Variants in KCNIP1 observed in about 807,000 individuals in gnomAD.
The protein encoded by KCNIP1 is potassium voltage-gated channel interacting protein 1, also known as A-type potassium channel modulatory protein KCNIP1.
A neutral mutation model predicts 33.0 loss-of-function variants in KCNIP1; 18 were observed. That is an observed-to-expected ratio of 0.55 (90% CI 0.38 to 0.81). The LOEUF (loss-of-function observed/expected upper bound fraction) is 0.81. Among genes scored for constraint, KCNIP1 ranks in the 30% least tolerant of loss-of-function variants. The pLI, the probability that KCNIP1 is intolerant of heterozygous loss-of-function variation, is 0.00. For synonymous variants in KCNIP1, 93 were observed against 98.3 expected (o/e 0.95, Z 0.32); for missense variants, 238 against 271.6 (o/e 0.88, Z 0.87).
chr5:170,643,955 C>T (rs1292967956), intron 1 of KCNIP1, among the ~76,000 whole-genome samples: 1 of 152,174 alleles, frequency 6.6e-6, no homozygotes, highest in Admixed American at 6.5e-5. Context: ...TTCTGTCACT[C>T]ACCAGTGCTC....
intron 1 of KCNIP1, among the ~76,000 whole-genome samples, chr5:170,364,735 A>G (rs563281384): frequency 6.6e-6 from 1 of 152,298 alleles, no homozygotes; most frequent in East Asian, 1.9e-4. Flanking sequence ...TCCTGCAATA[A>G]TATTACACAT....
intron 1 of KCNIP1, among the ~76,000 whole-genome samples, chr5:170,618,110 T>C (rs1181600286): frequency 6.6e-6 from 1 of 152,214 alleles, no homozygotes; most frequent in African/African-American, 2.4e-5. Context: ...TTCATTTACA[T>C]AAGTGTCCTT....
At chr5:170,440,330 C>T (rs149540681) in intron 1 of KCNIP1, among the ~76,000 whole-genome samples, 284 of 152,312 alleles carry the variant, frequency 1.9e-3, no homozygotes, top group African/African-American at 6.5e-3. Context: ...GATACCTAAA[C>T]AGAAAAGTGT....
intron 1 of KCNIP1, among the ~76,000 whole-genome samples, chr5:170,441,567 C>T (rs539553802): frequency 1.3e-5 from 2 of 152,124 alleles, no homozygotes; most frequent in Non-Finnish European, 2.9e-5. Flanking sequence ...GCCCAGGAGG[C>T]AAGAGGCACC....
At chr5:170,357,355 G>A (rs530026626) in intron 1 of KCNIP1, among the ~76,000 whole-genome samples, 1 of 152,332 alleles carries the variant, frequency 6.6e-6, no homozygotes, top group South Asian at 2.1e-4. Flanking sequence ...GTGCTCAGTA[G>A]TGTTGATGGA....
chr5:170,507,915 T>G (rs2113251748), intron 1 of KCNIP1, among the ~76,000 whole-genome samples: 1 of 152,332 alleles, frequency 6.6e-6, no homozygotes, highest in South Asian at 2.1e-4. Context: ...GGATTCAGCC[T>G]CTGCATCCCA....
chr5:170,438,660 G>T lies in KCNIP1; in HGVS notation c.88+84696G>T, dbSNP rs146888430. On this transcript the variant is annotated intron_variant, in intron 1 of 7. Coordinates refer to the KCNIP1 transcript ENST00000377360. ...ATAGACTTCCCCACTCTTGGGTGGG[G>T]GTGGGAGGGCTACACGAAGCTCTAA... Among the ~76,000 whole-genome samples the T allele has an allele frequency of 7.5e-3, 1,145 of 152,184 alleles. 16 individuals are homozygous for T. The highest frequency in any genetic ancestry group is 0.027 in the African/African-American group (1,101 of 41,502).
intron 1 of KCNIP1, among the ~76,000 whole-genome samples, chr5:170,668,341 C>T (rs1761784027): frequency 6.6e-6 from 1 of 152,158 alleles, no homozygotes; most frequent in Non-Finnish European, 1.5e-5. Flanking sequence ...AAATGTTCTC[C>T]ACTGGTCCCT....
At chr5:170,544,331 C>G (rs1340232619) in intron 1 of KCNIP1, among the ~76,000 whole-genome samples, 1 of 152,040 alleles carries the variant, frequency 6.6e-6, no homozygotes, top group African/African-American at 2.4e-5. Context: ...TAAGTTGATT[C>G]ATTTAATGGT....
intron 1 of KCNIP1, among the ~76,000 whole-genome samples, chr5:170,694,002 G>A (rs1365033713): frequency 4.6e-5 from 7 of 152,154 alleles, no homozygotes; most frequent in Admixed American, 4.6e-4. Context: ...GGCAGATCTA[G>A]CCTAGGTAGA....
chr5:170,629,653 A>C (rs1345996615), intron 1 of KCNIP1, among the ~76,000 whole-genome samples: 1 of 152,152 alleles, frequency 6.6e-6, no homozygotes, highest in Non-Finnish European at 1.5e-5. Context: ...CTCCCCCTGC[A>C]GGGTGGCATC....
intron 1 of KCNIP1, among the ~76,000 whole-genome samples, chr5:170,608,221 C>T (rs985417618): frequency 6.6e-6 from 1 of 152,140 alleles, no homozygotes; most frequent in African/African-American, 2.4e-5. Flanking sequence ...TCCTCAGAGC[C>T]GAAAAGCAAA....
intron 1 of KCNIP1, among the ~76,000 whole-genome samples, chr5:170,599,645 GAGCGAGA>G (rs1200603537): frequency 3.9e-5 from 2 of 50,792 alleles, no homozygotes; most frequent in African/African-American, 2.9e-4. Context: ...GGGTGGGGAA[GAGCGAGA>G]AGTTCCCGTG....
chr5:170,412,235 A>T (rs11356422), intron 1 of KCNIP1, among the ~76,000 whole-genome samples: 16 of 17,974 alleles, frequency 8.9e-4, no homozygotes, highest in African/African-American at 1.4e-3. Context: ...TTGGCTTTCC[A>T]TTTTTTTTTA....
chr5:170,399,664 A>C (rs34133192), intron 1 of KCNIP1, among the ~76,000 whole-genome samples: 24 of 152,104 alleles, frequency 1.6e-4, no homozygotes, highest in Non-Finnish European at 2.9e-4. Flanking sequence ...TACAATTTAA[A>C]ATGTGTTCTT....
intron 1 of KCNIP1, among the ~76,000 whole-genome samples, chr5:170,404,299 A>T (rs1019081942): frequency 2.3e-4 from 35 of 151,980 alleles, no homozygotes; most frequent in African/African-American, 8.0e-4. Flanking sequence ...GCATTTATAA[A>T]TTTTTTTCCA....
rs552918854 is a variant in KCNIP1 at position 170,610,198 on chromosome 5, CT to C, written c.61+105566del. Among the ~76,000 whole-genome samples the C allele has an allele frequency of 2.4e-3, 363 of 152,232 alleles. 5 individuals are homozygous for C. Among genetic ancestry groups the C allele is most frequent in the Admixed American group, 3.5e-3 (54 of 15,284 alleles). On this transcript the variant is annotated intron_variant, in intron 1 of 7. Transcript: ENST00000328939. ...CCAGGCATCTGGTTTAACGAGCCCC[CT>C]AGGTGATGATGATACATGCTGAGGA...
intron 1 of KCNIP1, among the ~76,000 whole-genome samples, chr5:170,430,256 G>A (rs1360910525): frequency 1.3e-5 from 2 of 152,220 alleles, no homozygotes; most frequent in Non-Finnish European, 2.9e-5. Context: ...CCAAACCTCT[G>A]ACCATGCCAG....
chr5:170,676,501 G>T (rs868543928), intron 1 of KCNIP1, among the ~76,000 whole-genome samples: 6 of 152,014 alleles, frequency 3.9e-5, no homozygotes, highest in Non-Finnish European at 7.4e-5. Context: ...CATTTCTTTC[G>T]CACCTTTTAA....
Sources: allele counts gnomAD v4.1 joint callset (sites outside exome capture counted in the v4.1 genomes callset), GRCh38; gene constraint gnomAD v4.1.1; transcripts MANE v1.5; gene names NCBI Gene and HGNC (gene_info 2026-07-23, HGNC 2026-07-21).